ZNF813: variants seen among roughly 807,000 people sequenced by gnomAD.
ZNF813 encodes the protein zinc finger protein 813.
In ZNF813, 3 loss-of-function variants were observed where a neutral mutation model predicts 7.2. That is an observed-to-expected ratio of 0.42 (90% CI 0.19 to 1.08). The LOEUF is 1.08. Ranked by LOEUF, ZNF813 falls within the 50% of genes least tolerant of loss-of-function variation. The probability of loss-of-function intolerance (pLI) is 0.30; values close to 1 mark genes in which losing one functional copy is unlikely to be tolerated. For synonymous variants in ZNF813, 227 were observed against 256.3 expected, an observed-to-expected ratio of 0.89 and a Z score of 1.09; for missense variants, 714 against 753.3, an observed-to-expected ratio of 0.95 and a Z score of 0.61.
Position 53,492,984 on chromosome 19 carries a change from T to C in ZNF813, c.*898T>C. 4 of 456,758 alleles carry C rather than the reference T, an allele frequency of 8.8e-6. No individual in the cohort carries two copies. In the Admixed American group the frequency reaches 1.0e-4, roughly 11 times the overall value. 28.3% of individuals were successfully genotyped at this position (456,758 alleles called of 1,614,324 possible). A position where few individuals can be genotyped will look rare whatever the true frequency, so the allele number is the denominator to read the frequency against. Reference sequence around the variant, plus strand: ...AAATGTCATCAGTGTGGCAAGGTTTTCAGTCTGACTTCACTCCTTGCAGAA... The same window carrying C: ...AAATGTCATCAGTGTGGCAAGGTTTCCAGTCTGACTTCACTCCTTGCAGAA... On this transcript the variant is annotated 3_prime_UTR_variant, in exon 4 of 4. Transcript: ENST00000396403.
rs2086483114 is a variant in ZNF813 at position 53,495,483 on chromosome 19, A to G, written c.*3397A>G. On this transcript the variant is annotated 3_prime_UTR_variant, in exon 4 of 4. Transcript: ENST00000396403. ...ACGATCTGCCCACCTCAGCCTCCCA[A>G]AGTGTGGAGATTACAGGCATGAGCC... The G allele has an allele frequency of 6.6e-6, 1 of 151,966 alleles. No individual in the cohort carries two copies. Among genetic ancestry groups the G allele is most frequent in the Non-Finnish European group, 1.5e-5 (1 of 68,028 alleles). 9.4% of individuals were successfully genotyped at this position (151,966 alleles called of 1,614,324 possible). A position where few individuals can be genotyped will look rare whatever the true frequency, so the allele number is the denominator to read the frequency against.
chr19:53,468,219 G>GCCCCCCCCCCCCCCCCC (rs34920971), intron 1 of ZNF813, among the ~76,000 whole-genome samples: 2 of 52,916 alleles, frequency 3.8e-5, no homozygotes, highest in Non-Finnish European at 7.8e-5. Flanking sequence ...GCGCCCTCGC[G>GCCCCCCCCCCCCCCCCC]CCCCCCCCCC....
Position 53,492,326 on chromosome 19 carries a change from C to A in ZNF813, c.*240C>A. 2 of 648,806 alleles carry A rather than the reference C, an allele frequency of 3.1e-6. No homozygotes were observed. Among genetic ancestry groups the A allele is most frequent in the Non-Finnish European group, 5.3e-6 (2 of 376,258 alleles). The allele number at this position is 648,806 out of a possible 1,614,324, so 40.2% of individuals were successfully genotyped here. A position where few individuals can be genotyped will look rare whatever the true frequency, so the allele number is the denominator to read the frequency against. The stretch of plus-strand genomic sequence containing the variant: ...AAGCATGTGACAAAGTTTACAGTGG[C>A]AAATCGAGCCTCAAAAGACAGGAGA... On this transcript the variant is annotated 3_prime_UTR_variant, in exon 4 of 4. Transcript: ENST00000396403.
In ZNF813 at chr19:53,491,297, C is replaced by G; in HGVS notation, c.1065C>G (p.Phe355Leu). 6.2e-7 allele frequency: 1 copy of G among 1,614,098 alleles called. No homozygotes were observed. Among genetic ancestry groups the G allele is most frequent in the African/African-American group, 1.3e-5 (1 of 75,022 alleles). Reference protein sequence around the residue: ...HRRLHTGEKPFKCNECGKTFS... With the variant: ...HRRLHTGEKPLKCNECGKTFS... Reference sequence around the variant, plus strand: ...GACTTCATACTGGAGAGAAACCTTTCAAGTGTAATGAGTGTGGCAAGACCT... The same window carrying G: ...GACTTCATACTGGAGAGAAACCTTTGAAGTGTAATGAGTGTGGCAAGACCT... Residue 355 changes from phenylalanine to leucine, a missense_variant, in exon 4 of 4, where the codon TTC becomes TTG. Around this residue, in one of 3 missense-constraint regions of ZNF813, gnomAD observed 563 missense variants for 554.2 expected, o/e 1.02. Transcript: ENST00000396403.
rs998635695 is a variant in ZNF813, at chr19:53,495,293, TCGGCTCACTGCAACCTCTGCCTCC to T, written c.*3211_*3234del. On this transcript the variant is annotated 3_prime_UTR_variant, in exon 4 of 4. Transcript: ENST00000396403. ...CAGGCTGGAATGCAGTGGTGCAATCTCGGCTCACTGCAACCTCTGCCTCCCGGGTTCAAGTGATTCTCCTGTCTC... is the reference window on the plus strand; with the variant it reads ...CAGGCTGGAATGCAGTGGTGCAATCTCGGGTTCAAGTGATTCTCCTGTCTC... 3.9e-5 allele frequency: 6 copies of T among 152,170 alleles called. No homozygotes were observed. The highest frequency in any genetic ancestry group is 1.4e-4 in the African/African-American group (6 of 41,538). The allele number at this position is 152,170 out of a possible 1,614,324, so 9.4% of individuals were successfully genotyped here. A position where few individuals can be genotyped will look rare whatever the true frequency, so the allele number is the denominator to read the frequency against.
At chr19:53,486,894 G>T in intron 3 of ZNF813, 136 bp downstream of exon 3, 13 of 1,489,056 alleles carry the variant, frequency 8.7e-6, no homozygotes, top group South Asian at 1.4e-5. Context: ...CTGCGATCTT[G>T]AATTCCTGGG....
intron 1 of ZNF813, among the ~76,000 whole-genome samples, chr19:53,476,423 G>T (rs2086382038): frequency 6.6e-6 from 1 of 151,986 alleles, no homozygotes; most frequent in Non-Finnish European, 1.5e-5. Flanking sequence ...GAGGTCAGGA[G>T]TCCAAGACCA....
intron 1 of ZNF813, among the ~76,000 whole-genome samples, chr19:53,470,224 C>T (rs1490442840): frequency 6.7e-6 from 1 of 150,220 alleles, no homozygotes; most frequent in Non-Finnish European, 1.5e-5. Flanking sequence ...TGTCTGGAGC[C>T]CATTCCTTTG....
chr19:53,490,824 A>G lies in ZNF813; in HGVS notation c.592A>G (p.Asn198Asp). 6.2e-7 allele frequency: 1 copy of G among 1,614,194 alleles called. No homozygotes were observed. The highest frequency in any genetic ancestry group is 8.5e-7 in the Non-Finnish European group (1 of 1,180,022). Residue 198 changes from asparagine (N) to aspartate (D), a missense_variant, in exon 4 of 4, where the codon AAT becomes GAT. By Grantham distance (23) the Asn-to-Asp change is conservative. Transcript: ENST00000396403. ...TAATAACTATGGGAATAATTTCCGG[A>G]ATTCTTCGTTACTCACACAAAAACA... ...ISNNYGNNFR[N>D]SSLLTQKQEV...
At chr19:53,474,189 C>G (rs552038274) in intron 1 of ZNF813, among the ~76,000 whole-genome samples, 1 of 152,146 alleles carries the variant, frequency 6.6e-6, no homozygotes, top group Non-Finnish European at 1.5e-5. Context: ...GAAAAAGGTA[C>G]AAATAAGCAC....
chr19:53,491,439 A>G lies in ZNF813; in HGVS notation c.1207A>G (p.Arg403Gly), dbSNP rs1381090921. ...GGAGTTAACCCTTAAATGCCATCGT[A>G]GACTTCATACCGGAGAGAAGCCTTA... ...SQELTLKCHR[R>G]LHTGEKPYKC... is the part of the protein sequence containing the mutation. Residue 403 changes from arginine to glycine, a missense_variant, in exon 4 of 4, where the codon AGA (arginine) becomes GGA (glycine). Arg to Gly is a moderately radical substitution (Grantham distance 125, BLOSUM62 -2). Coordinates refer to ENST00000396403, the MANE Select transcript of ZNF813 (RefSeq NM_001004301.4). 48 of 1,614,052 alleles carry G rather than the reference A, an allele frequency of 3.0e-5. No homozygotes were observed. The highest frequency in any genetic ancestry group is 4.0e-5 in the Non-Finnish European group (47 of 1,180,022).
At chr19:53,469,645 GAGAGGGGCAGCAA>G (rs1320059553) in intron 1 of ZNF813, among the ~76,000 whole-genome samples, 1 of 151,986 alleles carries the variant, frequency 6.6e-6, no homozygotes, top group Non-Finnish European at 1.5e-5. Flanking sequence ...GCAAGGTAGG[GAGAGGGGCAGCAA>G]AGAGGGAGGC....
chr19:53,481,654 T>G (rs2086409162), intron 1 of ZNF813, among the ~76,000 whole-genome samples: 1 of 152,142 alleles, frequency 6.6e-6, no homozygotes, highest in African/African-American at 2.4e-5. Flanking sequence ...TGGCCACCCA[T>G]GTATTCTTGA....
chr19:53,480,531 G>A (rs955584644), intron 1 of ZNF813, among the ~76,000 whole-genome samples: 4 of 152,048 alleles, frequency 2.6e-5, no homozygotes, highest in African/African-American at 9.7e-5. Context: ...TTTGAAACTA[G>A]TTGCATCTGG....
At chr19:53,475,732 G>A (rs1247161017) in intron 1 of ZNF813, among the ~76,000 whole-genome samples, 1 of 152,206 alleles carries the variant, frequency 6.6e-6, no homozygotes, top group East Asian at 1.9e-4. Context: ...TTAACACCAC[G>A]GAGTCTGGTT....
chr19:53,480,049 A>G (rs2086400171), intron 1 of ZNF813: 2 of 762,940 alleles, frequency 2.6e-6, no homozygotes, highest in East Asian at 4.9e-5. Context: ...TCTGTACACA[A>G]AGGATGCTGG....
chr19:53,495,484 A>G lies in ZNF813; in HGVS notation c.*3398A>G, dbSNP rs2086483124. ...CGATCTGCCCACCTCAGCCTCCCAA[A>G]GTGTGGAGATTACAGGCATGAGCCA... On this transcript the variant is annotated 3_prime_UTR_variant, in exon 4 of 4. Coordinates refer to ENST00000396403, the MANE Select transcript of ZNF813 (RefSeq NM_001004301.4). The G allele has an allele frequency of 6.6e-6, 1 of 152,070 alleles. No individual in the cohort carries two copies. The highest frequency in any genetic ancestry group is 1.5e-5 in the Non-Finnish European group (1 of 68,040). 9.4% of individuals were successfully genotyped at this position (152,070 alleles called of 1,614,324 possible). A position where few individuals can be genotyped will look rare whatever the true frequency, so the allele number is the denominator to read the frequency against.
In ZNF813 at chr19:53,492,846, T is replaced by C. The variant is rs900027010; in HGVS notation, c.*760T>C. 17 of 481,204 alleles carry C rather than the reference T, an allele frequency of 3.5e-5. No homozygotes were observed. The highest frequency in any genetic ancestry group is 3.5e-4 in the African/African-American group (17 of 49,024). The allele number at this position is 481,204 out of a possible 1,614,324, so 29.8% of individuals were successfully genotyped here. The stretch of plus-strand genomic sequence containing the variant: ...GTCAAGCTTCATCCTATGCAAAACA[T>C]AGGAGAATTCATACAGGAGAGAAAC... On this transcript the variant is annotated 3_prime_UTR_variant, in exon 4 of 4. Transcript: ENST00000396403.
In ZNF813 at chr19:53,474,231, C is replaced by T. The variant is rs140129406; in HGVS notation, c.-74+6442C>T. On this transcript the variant is annotated intron_variant, in intron 1 of 3. Transcript: ENST00000396403. Reference sequence around the variant, plus strand: ...ATACCGACATCCTCTGTCGGATGCACGGAGCAGTTCGGTAAAGTTTATAAC... The same window carrying T: ...ATACCGACATCCTCTGTCGGATGCATGGAGCAGTTCGGTAAAGTTTATAAC... 1.9e-3 allele frequency among the ~76,000 whole-genome samples: 295 copies of T among 152,256 alleles called. 1 individual carries two copies. Among genetic ancestry groups the T allele is most frequent in the African/African-American group, 6.8e-3 (284 of 41,550 alleles).
Sources: allele counts gnomAD v4.1 joint callset (sites outside exome capture counted in the v4.1 genomes callset), GRCh38; gene constraint gnomAD v4.1.1; regional missense constraint gnomAD v4.1.1; transcripts MANE v1.5; gene names NCBI Gene and HGNC (gene_info 2026-07-23, HGNC 2026-07-21).